The following GPC5 variants were observed in gnomAD, a reference collection of about 807,000 sequenced individuals.
The protein encoded by GPC5 is glypican-5.
In GPC5, 47 loss-of-function variants were observed where a neutral mutation model predicts 53.9. That is an observed-to-expected ratio of 0.87 (90% CI 0.69 to 1.11). GPC5 has a LOEUF of 1.11. GPC5 is among the 50% of genes most tolerant of loss of function. The probability of loss-of-function intolerance (pLI) is 0.00; values close to 1 mark genes in which losing one functional copy is unlikely to be tolerated. For synonymous variants in GPC5, 286 were observed against 263.3 expected (o/e 1.09, Z -0.84); for missense variants, 748 against 713.1 (o/e 1.05, Z -0.56).
chr13:92,394,369 G>A (rs1401442982), intron 7 of GPC5, among the ~76,000 whole-genome samples: 4 of 152,066 alleles, frequency 2.6e-5, no homozygotes, highest in Non-Finnish European at 5.9e-5. Flanking sequence ...GGAAATGAAG[G>A]CTTTGAGAGG....
intron 7 of GPC5, among the ~76,000 whole-genome samples, chr13:92,204,657 A>G (rs1246475365): frequency 6.6e-6 from 1 of 152,210 alleles, no homozygotes; most frequent in East Asian, 1.9e-4. Flanking sequence ...TTATGCTATT[A>G]TGCTCATAGT....
intron 2 of GPC5, among the ~76,000 whole-genome samples, chr13:91,645,240 G>A (rs1382285590): frequency 2.0e-5 from 3 of 152,074 alleles, no homozygotes; most frequent in Non-Finnish European, 4.4e-5. Context: ...TAACTGTTTT[G>A]TAGTGCCATC....
At chr13:92,404,594 A>ACAAAGCTG (rs879587770) in intron 7 of GPC5, among the ~76,000 whole-genome samples, 1 of 151,036 alleles carries the variant, frequency 6.6e-6, no homozygotes, top group African/African-American at 2.4e-5. Flanking sequence ...TTGAACAAAT[A>ACAAAGCTG]TTCGGTTAAT....
At chr13:91,565,076 A>T (rs1266660939) in intron 2 of GPC5, among the ~76,000 whole-genome samples, 1 of 150,792 alleles carries the variant, frequency 6.6e-6, no homozygotes, top group Non-Finnish European at 1.5e-5. Context: ...TGCAACTTCT[A>T]CCTCCTGGGT....
chr13:92,286,733 T>C (rs1430522644), intron 7 of GPC5, among the ~76,000 whole-genome samples: 2 of 59,280 alleles, frequency 3.4e-5, no homozygotes, highest in African/African-American at 1.4e-4. Context: ...TGGGGCCTGT[T>C]GTGGGGTTGG....
chr13:92,289,088 CAA>C (rs71120090), intron 7 of GPC5, among the ~76,000 whole-genome samples: 46,007 of 141,086 alleles, frequency 0.33, 7,636 homozygotes, highest in African/African-American at 0.45. Context: ...AATAAATTAC[CAA>C]AAAAAAAAAA....
chr13:91,465,100 G>A (rs1049776767), intron 2 of GPC5, among the ~76,000 whole-genome samples: 48 of 152,028 alleles, frequency 3.2e-4, no homozygotes, highest in African/African-American at 1.1e-3. Context: ...CAGCTCTCAA[G>A]TTACTGGTAT....
chr13:91,491,921 C>A (rs1883962461), intron 2 of GPC5, among the ~76,000 whole-genome samples: 1 of 152,152 alleles, frequency 6.6e-6, no homozygotes, highest in Non-Finnish European at 1.5e-5. Context: ...ATAGATATGT[C>A]TTTTTGGGAG....
intron 7 of GPC5, among the ~76,000 whole-genome samples, chr13:92,633,976 A>C (rs1225750904): frequency 1.3e-5 from 2 of 152,128 alleles, no homozygotes; most frequent in African/African-American, 2.4e-5. Context: ...AAACTCATTG[A>C]AATTAAGAAA....
At position 92,502,703 on chromosome 13, in the gene GPC5, G is replaced by A. The variant is rs527628142; in HGVS notation, c.1561+357714G>A. Among the ~76,000 whole-genome samples the A allele has an allele frequency of 8.5e-5, 13 of 152,086 alleles. No homozygotes were observed. The South Asian group carries it at 2.7e-3, about 32-fold the overall frequency. The stretch of plus-strand genomic sequence containing the variant: ...CAGAATTTTAGAAAACATAAATCAA[G>A]CATGGTCAGAACTGAAAACACAAAC... On this transcript the variant is annotated intron_variant, in intron 7 of 7. Transcript: ENST00000377067.
intron 5 of GPC5, among the ~76,000 whole-genome samples, chr13:91,761,245 T>G (rs375255834): frequency 6.6e-6 from 1 of 152,202 alleles, no homozygotes; most frequent in East Asian, 1.9e-4. Flanking sequence ...ACAGTGGCTC[T>G]TAAACCAGCC....
At chr13:91,543,979 T>C (rs932607202) in intron 2 of GPC5, among the ~76,000 whole-genome samples, 2 of 152,196 alleles carry the variant, frequency 1.3e-5, no homozygotes, top group Non-Finnish European at 2.9e-5. Flanking sequence ...CATCACTTAA[T>C]ATAAACTTGC....
At chr13:92,434,490 C>T (rs553854270) in intron 7 of GPC5, among the ~76,000 whole-genome samples, 2 of 151,942 alleles carry the variant, frequency 1.3e-5, no homozygotes, top group Non-Finnish European at 2.9e-5. Flanking sequence ...AAAAATACAT[C>T]CATAATGGAA....
At chr13:91,431,899 C>T (rs901125601) in intron 1 of GPC5, among the ~76,000 whole-genome samples, 1 of 152,140 alleles carries the variant, frequency 6.6e-6, no homozygotes, top group African/African-American at 2.4e-5. Flanking sequence ...CCAGCAAGGT[C>T]TTTAGTGTGT....
At chr13:91,839,423 C>T (rs767920357) in intron 5 of GPC5, among the ~76,000 whole-genome samples, 33 of 152,018 alleles carry the variant, frequency 2.2e-4, no homozygotes, top group Admixed American at 4.6e-4. Context: ...TTTGCAACCG[C>T]TTTGGAGTAG....
At chr13:91,745,871 G>A (rs525661) in intron 4 of GPC5, among the ~76,000 whole-genome samples, 97,194 of 151,954 alleles carry the variant, frequency 0.64, 31,308 homozygotes, top group South Asian at 0.75. Flanking sequence ...GCCAAGAAAC[G>A]AGACTTCCAT....
At chr13:92,592,387 C>A (rs181941022) in intron 7 of GPC5, among the ~76,000 whole-genome samples, 1 of 151,360 alleles carries the variant, frequency 6.6e-6, no homozygotes, top group Non-Finnish European at 1.5e-5. Flanking sequence ...AGGAGACAAG[C>A]AGGTCTTCCT....
intron 7 of GPC5, among the ~76,000 whole-genome samples, chr13:92,837,337 G>C (rs1166276351): frequency 6.6e-6 from 1 of 152,110 alleles, no homozygotes; most frequent in African/African-American, 2.4e-5. Flanking sequence ...AATCAAATTA[G>C]CAAGCACCAA....
intron 7 of GPC5, among the ~76,000 whole-genome samples, chr13:92,762,641 A>G (rs574746130): frequency 6.6e-6 from 1 of 152,216 alleles, no homozygotes; most frequent in South Asian, 2.1e-4. Context: ...AGATTTCAGC[A>G]TTTTTATTAT....
Sources: gnomAD v4.1 joint callset for allele counts (sites outside exome capture counted in the v4.1 genomes callset) on GRCh38, gnomAD v4.1.1 for gene constraint, MANE v1.5 for transcripts, NCBI Gene and HGNC (gene_info 2026-07-23, HGNC 2026-07-21) for gene names.